The following LCORL variants were observed in gnomAD, a reference collection of about 807,000 sequenced individuals.
LCORL encodes ligand-dependent nuclear receptor corepressor-like protein.
Under a neutral mutation model 141.8 loss-of-function variants are expected in LCORL, and 41 were observed. That is an observed-to-expected ratio of 0.29 (90% CI 0.23 to 0.38). The LOEUF is 0.38. Ranked by LOEUF, LCORL falls within the 10% of genes least tolerant of loss-of-function variation. The pLI is 1.00. For synonymous variants in LCORL, 618 were observed against 694.1 expected (o/e 0.89, Z 1.72); for missense variants, 1,759 against 2,035.0 (o/e 0.86, Z 2.61).
At chr4:17,882,246 A>G (rs1176777999) in intron 6 of LCORL, 1 of 984,532 alleles carries the variant, frequency 1.0e-6, no homozygotes, top group Non-Finnish European at 1.2e-6. Flanking sequence ...AAATTCAGCT[A>G]AAAGTATTCC....
At chr4:17,867,783 A>G (rs1725860538) in intron 7 of LCORL, among the ~76,000 whole-genome samples, 1 of 152,220 alleles carries the variant, frequency 6.6e-6, no homozygotes, top group South Asian at 2.1e-4. Context: ...CTGAAAACTC[A>G]GTAATAGTTG....
In LCORL at chr4:18,016,720, T is replaced by C. The variant is rs1054582793; in HGVS notation, c.154+4878A>G. On this transcript the variant is annotated intron_variant, in intron 1 of 7. Transcript: ENST00000635767. ...TATACTTAACACATTAGGATAAATA[T>C]GCTTTTTAAATGTGGTTATTAGAAG... 5.3e-5 allele frequency among the ~76,000 whole-genome samples: 8 copies of C among 152,190 alleles called. No homozygotes were observed. In the South Asian group the frequency reaches 1.7e-3, roughly 31 times the overall value.
chr4:17,917,439 C>T (rs763762328), intron 4 of LCORL, among the ~76,000 whole-genome samples: 4 of 152,156 alleles, frequency 2.6e-5, no homozygotes, highest in Admixed American at 2.6e-4. Flanking sequence ...GTGATCTGCC[C>T]GCCCTGGCCT....
chr4:17,858,336 T>C (rs1044952706), intron 7 of LCORL, among the ~76,000 whole-genome samples: 4 of 150,382 alleles, frequency 2.7e-5, no homozygotes, highest in Non-Finnish European at 3.0e-5. Context: ...AAAAAAAAAC[T>C]AAACAAAAGT....
At chr4:17,941,744 C>T (rs749049321) in intron 4 of LCORL, among the ~76,000 whole-genome samples, 3 of 152,144 alleles carry the variant, frequency 2.0e-5, no homozygotes, top group Non-Finnish European at 4.4e-5. Flanking sequence ...AAGCAATTTA[C>T]TCTAGATACA....
chr4:17,849,034 G>C (rs940163661), intron 7 of LCORL, among the ~76,000 whole-genome samples: 1 of 152,236 alleles, frequency 6.6e-6, no homozygotes, highest in African/African-American at 2.4e-5. Context: ...TGGGAAGCTC[G>C]AACTGGGTGG....
intron 6 of LCORL, among the ~76,000 whole-genome samples, chr4:17,878,845 T>C (rs1199771851): frequency 6.6e-6 from 1 of 151,328 alleles, no homozygotes; most frequent in African/African-American, 2.4e-5. Flanking sequence ...ATTACTTACC[T>C]AATTATTAAG....
At chr4:17,890,126 G>A (rs1433925896) in intron 5 of LCORL, among the ~76,000 whole-genome samples, 6 of 152,004 alleles carry the variant, frequency 3.9e-5, no homozygotes, top group Non-Finnish European at 1.5e-5. Flanking sequence ...TTACAATGCT[G>A]AAATGAATAT....
intron 4 of LCORL, among the ~76,000 whole-genome samples, chr4:17,914,953 A>G (rs1286145445): frequency 6.6e-6 from 1 of 152,166 alleles, no homozygotes; most frequent in Non-Finnish European, 1.5e-5. Context: ...CTGTGTAACC[A>G]ATAGCGTACT....
intron 2 of LCORL, among the ~76,000 whole-genome samples, chr4:17,966,427 G>A (rs1714886518): frequency 6.6e-6 from 1 of 152,060 alleles, no homozygotes; most frequent in African/African-American, 2.4e-5. Context: ...CAATTCCTCA[G>A]AAGACACAAA....
chr4:17,884,185 T>A lies in LCORL; in HGVS notation c.776+1883A>T, dbSNP rs1462992783. ...TATTTTTCAGTTTTTGGAGAGCTGATCCTTCTAGGACTGAAGAGGTTTTGG... is the reference window on the plus strand; with the variant it reads ...TATTTTTCAGTTTTTGGAGAGCTGAACCTTCTAGGACTGAAGAGGTTTTGG... On this transcript the variant is annotated intron_variant, in intron 6 of 7. Coordinates refer to ENST00000635767, the Ensembl canonical transcript of LCORL. This position sits in a 1 kb window ranked among gnomAD's most constrained non-coding sequence, Gnocchi z 4.4. The A allele has an allele frequency of 6.4e-7, 1 of 1,550,518 alleles. No individual in the cohort carries two copies. The highest frequency in any genetic ancestry group is 8.7e-7 in the Non-Finnish European group (1 of 1,146,302).
Position 17,884,415 on chromosome 4 carries a change from C to T in LCORL, c.776+1653G>A, listed in dbSNP as rs1354573695. ...GTGGAAGCTGTTGGGAATTTTATTT[C>T]TGAGGTTTCAAGTAGATTGAGTTTA... On this transcript the variant is annotated intron_variant, in intron 6 of 7. Coordinates refer to ENST00000635767, the Ensembl canonical transcript of LCORL. The surrounding 1 kb of genome is among the most constrained non-coding windows in gnomAD (Gnocchi z 4.4). 6.5e-7 allele frequency: 1 copy of T among 1,549,666 alleles called. No homozygotes were observed.
At chr4:17,847,985 GTT>G (rs1011514055) in intron 7 of LCORL, among the ~76,000 whole-genome samples, 5 of 152,114 alleles carry the variant, frequency 3.3e-5, no homozygotes, top group African/African-American at 9.7e-5. Context: ...AACAAATTTT[GTT>G]TTGTTTGCTA....
At chr4:17,849,266 A>AGGCACCCCCCAGTTGGGGCAGACT (rs1184216772) in intron 7 of LCORL, among the ~76,000 whole-genome samples, 2 of 152,142 alleles carry the variant, frequency 1.3e-5, no homozygotes, top group Non-Finnish European at 2.9e-5. Context: ...CCTAACTGGG[A>AGGCACCCCCCAGTTGGGGCAGACT]GGCACCCCCC....
At chr4:17,853,641 T>A (rs1724028028) in intron 7 of LCORL, among the ~76,000 whole-genome samples, 1 of 152,184 alleles carries the variant, frequency 6.6e-6, no homozygotes, top group Non-Finnish European at 1.5e-5. Flanking sequence ...TGAACTCATC[T>A]ATTTAACTCC....
At chr4:17,885,804 T>C (rs1480613989) in intron 6 of LCORL, among the ~76,000 whole-genome samples, 1 of 151,968 alleles carries the variant, frequency 6.6e-6, no homozygotes, top group African/African-American at 2.4e-5. Context: ...TCGTCCTGCT[T>C]CTTAGTTTGT....
chr4:17,928,325 T>C (rs1735483915), intron 4 of LCORL, among the ~76,000 whole-genome samples: 1 of 152,072 alleles, frequency 6.6e-6, no homozygotes, highest in South Asian at 2.1e-4. Flanking sequence ...GGTGGGAGGA[T>C]CACTTTAGCC....
chr4:17,974,394 T>TA (rs907779953), intron 1 of LCORL, among the ~76,000 whole-genome samples: 1 of 152,142 alleles, frequency 6.6e-6, no homozygotes, highest in African/African-American at 2.4e-5. Flanking sequence ...TCTTTTTGTT[T>TA]AAAAAAAGTC....
At chr4:17,953,736 T>G (rs1307346663) in intron 4 of LCORL, among the ~76,000 whole-genome samples, 1 of 152,186 alleles carries the variant, frequency 6.6e-6, no homozygotes, top group Non-Finnish European at 1.5e-5. Context: ...ATTAACTGAT[T>G]GAGTGTTAAT....
Sources: gnomAD v4.1 joint callset for allele counts (sites outside exome capture counted in the v4.1 genomes callset) on GRCh38, gnomAD v4.1.1 for gene constraint, Gnocchi (gnomAD v3.1) non-coding constraint, MANE v1.5 for transcripts, NCBI Gene and HGNC (gene_info 2026-07-23, HGNC 2026-07-21) for gene names.